Variants in SMARCD3 observed in about 807,000 individuals in gnomAD.
The protein encoded by SMARCD3 is SWI/SNF related BAF chromatin remodeling complex subunit D3.
In SMARCD3, 14 loss-of-function variants were observed where a neutral mutation model predicts 58.0. The observed-to-expected ratio is 0.24, with a 90% CI of 0.16 to 0.38. The LOEUF (loss-of-function observed/expected upper bound fraction) is 0.38, where lower values mean the gene tolerates loss of function less well. Ranked by LOEUF, SMARCD3 falls within the 10% of genes least tolerant of loss-of-function variation. The probability of loss-of-function intolerance (pLI) is 1.00; values close to 1 mark genes in which losing one functional copy is unlikely to be tolerated. For synonymous variants in SMARCD3, 253 were observed against 253.8 expected (o/e 1.00, Z 0.03); for missense variants, 408 against 636.9 (o/e 0.64, Z 3.87).
intron 2 of SMARCD3, among the ~76,000 whole-genome samples, chr7:151,253,752 AG>A (rs539773165): frequency 6.6e-6 from 1 of 152,100 alleles, no homozygotes; most frequent in African/African-American, 2.4e-5. Flanking sequence ...CTGCACGGAC[AG>A]GGCTGGGCTG....
In SMARCD3 at chr7:151,242,043, A is replaced by T. The variant is rs1803017417; in HGVS notation, c.676-65T>A. ...CTGGAGTGGTGGGGCCCAGGACTCT[A>T]GGGTGGTCCCTGACCCAAATCTGTG... On this transcript the variant is annotated intron_variant, in intron 6 of 12. Coordinates refer to ENST00000262188, the MANE Select transcript of SMARCD3 (RefSeq NM_001003801.2). The surrounding 1 kb of genome is among the most constrained non-coding windows in gnomAD (Gnocchi z 4.7). 5.2e-6 allele frequency: 8 copies of T among 1,549,612 alleles called. No homozygotes were observed. The highest frequency in any genetic ancestry group is 7.1e-6 in the Non-Finnish European group (8 of 1,122,646).
At position 151,248,521 on chromosome 7, in the gene SMARCD3, C is replaced by T. The variant is rs1803386679; in HGVS notation, c.42G>A (p.Thr14=). The T allele has an allele frequency of 6.2e-7, 1 of 1,613,618 alleles. No individual in the cohort carries two copies. ...CCAGAAACTCAAAAAGTTTGCTTTT[C>T]GTGGCTTTGCGCGCCCCTCCGGCAA... ...DEVAGGARKA[T]KSKLFEFLVH... Residue 14 remains threonine, a synonymous_variant, in exon 1 of 13, where the codon ACG becomes ACA. Transcript: ENST00000262188. The surrounding 1 kb of genome is among the most constrained non-coding windows in gnomAD (Gnocchi z 6.1).
At chr7:151,254,470 C>T (rs1307638153) in intron 2 of SMARCD3, 1 of 152,622 alleles carries the variant, frequency 6.6e-6, no homozygotes, top group African/African-American at 2.4e-5. Context: ...GGTGCTGCTG[C>T]CTTCCCTCCA....
Position 151,242,068 on chromosome 7 carries a change from G to C in SMARCD3, c.675+69C>G. 6.5e-7 allele frequency: 1 copy of C among 1,538,748 alleles called. No homozygotes were observed. Among genetic ancestry groups the C allele is most frequent in the Non-Finnish European group, 9.0e-7 (1 of 1,111,744 alleles). On this transcript the variant is annotated intron_variant, in intron 6 of 12. Coordinates refer to ENST00000262188, the MANE Select transcript of SMARCD3 (RefSeq NM_001003801.2). The surrounding 1 kb of genome is among the most constrained non-coding windows in gnomAD (Gnocchi z 4.7). ...AGGGTGGTCCCTGACCCAAATCTGT[G>C]CTGGTTCTTCAGGGATTCTGGCCTG...
intron 2 of SMARCD3, among the ~76,000 whole-genome samples, chr7:151,271,676 C>G (rs573971691): frequency 1.3e-5 from 2 of 152,186 alleles, no homozygotes; most frequent in African/African-American, 4.8e-5. Context: ...TATTTCCTGG[C>G]CAGGCTCGAT....
chr7:151,263,029 T>C (rs917741469), intron 2 of SMARCD3, among the ~76,000 whole-genome samples: 45 of 152,198 alleles, frequency 3.0e-4, no homozygotes, highest in African/African-American at 1.0e-3. Context: ...GCTCAATTAA[T>C]GTTCACAGTC....
At chr7:151,252,698 C>T (rs1442270480), upstream of SMARCD3, among the ~76,000 whole-genome samples, 4 of 149,650 alleles carry the variant, frequency 2.7e-5, no homozygotes, top group African/African-American at 5.0e-5. Context: ...CCTCAACCCC[C>T]GCCTCTGGTG....
chr7:151,248,663 T>G lies in SMARCD3; in HGVS notation c.-101A>C. 2 of 1,541,294 alleles carry G rather than the reference T, an allele frequency of 1.3e-6. No individual in the cohort carries two copies. ...TCCAACTCTCCCCTCTGAGTCCTGC[T>G]GGGCTCTCTCACACTTCTACTCGAG... On this transcript the variant is annotated 5_prime_UTR_variant, in exon 1 of 13. Transcript: ENST00000262188. This position sits in a 1 kb window ranked among gnomAD's most constrained non-coding sequence, Gnocchi z 6.1.
At chr7:151,274,913 G>A (rs114242599) in intron 2 of SMARCD3, among the ~76,000 whole-genome samples, 2 of 152,208 alleles carry the variant, frequency 1.3e-5, no homozygotes, top group African/African-American at 4.8e-5. Flanking sequence ...AGTGTGGGAT[G>A]GAGGGAAGGA....
intron 2 of SMARCD3, among the ~76,000 whole-genome samples, chr7:151,266,712 T>C (rs1804091619): frequency 6.6e-6 from 1 of 152,146 alleles, no homozygotes; most frequent in South Asian, 2.1e-4. Context: ...TGGGAGGTTT[T>C]TTTTGTTTGT....
intron 2 of SMARCD3, among the ~76,000 whole-genome samples, chr7:151,261,405 C>G (rs897354729): frequency 6.6e-6 from 1 of 152,182 alleles, no homozygotes; most frequent in Admixed American, 6.5e-5. Context: ...TCAATTGGTT[C>G]TGGGTTCAAA....
At position 151,240,514 on chromosome 7, in the gene SMARCD3, A is replaced by G. The variant is rs577653157; in HGVS notation, c.948T>C (p.Asp316=). 22 of 1,612,676 alleles carry G rather than the reference A, an allele frequency of 1.4e-5. No individual in the cohort carries two copies. The highest frequency in any genetic ancestry group is 1.9e-5 in the Non-Finnish European group (22 of 1,179,302). ...TCTCAGAAAACTTCAGCCGGGGACAATCAAAAATCTGAAGCAGGACAATTG... is the reference window on the plus strand; with the variant it reads ...TCTCAGAAAACTTCAGCCGGGGACAGTCAAAAATCTGAAGCAGGACAATTG... The part of the protein sequence containing the change: ...NGDKYFQQIF[D]CPRLKFSEIP... Residue 316 remains aspartate, a synonymous_variant, in exon 9 of 13, where the codon GAT becomes GAC. Transcript: ENST00000262188.
rs773683543 is a variant in SMARCD3 at position 151,239,514 on chromosome 7, G to C, written c.1297-17C>G. ...TGTCATCACCTGGGAGGGAGCGTGGGGTGAGCCCTGAGCCCTGAATCCCCT... is the reference window on the plus strand; with the variant it reads ...TGTCATCACCTGGGAGGGAGCGTGGCGTGAGCCCTGAGCCCTGAATCCCCT... On this transcript the variant is annotated splice_polypyrimidine_tract_variant and intron_variant, in intron 11 of 12. Coordinates refer to ENST00000262188, the MANE Select transcript of SMARCD3 (RefSeq NM_001003801.2). This position sits in a 1 kb window ranked among gnomAD's most constrained non-coding sequence, Gnocchi z 7.0. 6 of 1,611,672 alleles carry C rather than the reference G, an allele frequency of 3.7e-6. No individual in the cohort carries two copies. Among genetic ancestry groups the C allele is most frequent in the Non-Finnish European group, 5.1e-6 (6 of 1,178,124 alleles).
upstream of SMARCD3, chr7:151,248,695 G>A (rs957927418): frequency 2.1e-6 from 3 of 1,398,426 alleles, no homozygotes; most frequent in South Asian, 1.6e-5. This position sits in a 1 kb window ranked among gnomAD's most constrained non-coding sequence, Gnocchi z 6.1. Flanking sequence ...CGAGCGGAGT[G>A]GGGAGGGGGC....
At chr7:151,276,421 C>T (rs1391160929) in intron 1 of SMARCD3, among the ~76,000 whole-genome samples, 5 of 124,528 alleles carry the variant, frequency 4.0e-5, no homozygotes, top group South Asian at 2.7e-4. Context: ...GGAGGTGGTG[C>T]CAGACAGGGG....
intron 2 of SMARCD3, among the ~76,000 whole-genome samples, chr7:151,244,131 GGAGA>G (rs1210101960): frequency 1.3e-5 from 2 of 152,166 alleles, no homozygotes; most frequent in Admixed American, 6.5e-5. Context: ...TCAGAGGGAG[GGAGA>G]GAGACGAACT....
chr7:151,249,211 G>A (rs1803424487), upstream of SMARCD3: 1 of 151,978 alleles, frequency 6.6e-6, no homozygotes, highest in Non-Finnish European at 1.5e-5. This position sits in a 1 kb window ranked among gnomAD's most constrained non-coding sequence, Gnocchi z 4.8. Flanking sequence ...GGCCCGCGAG[G>A]CCTCGCGCCT....
intron 2 of SMARCD3, among the ~76,000 whole-genome samples, chr7:151,274,516 T>C (rs1584901720): frequency 6.6e-6 from 1 of 152,162 alleles, no homozygotes; most frequent in Admixed American, 6.5e-5. Flanking sequence ...CAGGGCAGGG[T>C]TGGCTCCCAC....
At position 151,239,294 on chromosome 7, in the gene SMARCD3, A is replaced by G. The variant is rs1802827731; in HGVS notation, c.1398+102T>C. The G allele has an allele frequency of 7.6e-7, 1 of 1,322,918 alleles. No homozygotes were observed. 81.9% of individuals were successfully genotyped at this position (1,322,918 alleles called of 1,614,324 possible). ...ATTGCATGGTGAGGCAGCGTGGTGA[A>G]GCTTTACTGTGGGGAGCTGCGAGGG... On this transcript the variant is annotated intron_variant, in intron 12 of 12. Coordinates refer to ENST00000262188, the MANE Select transcript of SMARCD3 (RefSeq NM_001003801.2). This position sits in a 1 kb window ranked among gnomAD's most constrained non-coding sequence, Gnocchi z 7.0.
Sources: gnomAD v4.1 joint callset for allele counts (sites outside exome capture counted in the v4.1 genomes callset) on GRCh38, gnomAD v4.1.1 for gene constraint, Gnocchi (gnomAD v3.1) non-coding constraint, MANE v1.5 for transcripts, NCBI Gene and HGNC (gene_info 2026-07-23, HGNC 2026-07-21) for gene names.